Variants in ZNF366 observed in about 807,000 individuals in gnomAD.
ZNF366 encodes the protein dendritic cell-specific transcript protein.
Under a neutral mutation model 47.2 loss-of-function variants are expected in ZNF366, and 20 were observed. The observed-to-expected ratio is 0.42, with a 90% confidence interval of 0.30 to 0.62. The LOEUF is 0.62. Ranked by LOEUF, ZNF366 falls within the 20% of genes least tolerant of loss-of-function variation. The pLI, the probability that ZNF366 is intolerant of heterozygous loss-of-function variation, is 0.16. For missense variants in ZNF366, 987 were observed against 976.3 expected (o/e 1.01, Z -0.15); for synonymous variants, 421 against 395.1 (o/e 1.07, Z -0.78).
intron 2 of ZNF366, 134 bp from the exon 3 acceptor site, chr5:72,456,729 G>T: frequency 2.3e-6 from 2 of 852,612 alleles, no homozygotes; most frequent in Non-Finnish European, 3.4e-6. Flanking sequence ...TTCAAATGGT[G>T]TAGCTTCAGC....
intron 1 of ZNF366, among the ~76,000 whole-genome samples, chr5:72,506,391 A>G (rs1272780688): frequency 6.6e-6 from 1 of 152,166 alleles, no homozygotes; most frequent in South Asian, 2.1e-4. Flanking sequence ...AGCAAGTTAG[A>G]CTTTTAAAAA....
chr5:72,461,097 C>A lies in ZNF366; in HGVS notation c.400G>T (p.Val134Leu), dbSNP rs778281671. The change falls in exon 2 of 5, where the codon GTG becomes TTG. Residue 134 changes from valine to leucine, a missense_variant. By Grantham distance (32) the Val-to-Leu change is conservative (BLOSUM62 1). Transcript: ENST00000318442. Reference protein sequence around the residue: ...YDSQMIDLCNVGFQFYRSLEH... With the variant: ...YDSQMIDLCNLGFQFYRSLEH... ...AGGCTGCGGTAGAATTGGAAGCCCA[C>A]GTTGCACAGGTCGATCATCTGAGAG... 4 of 1,614,078 alleles carry A rather than the reference C, an allele frequency of 2.5e-6. No homozygotes were observed. Among genetic ancestry groups the A allele is most frequent in the South Asian group, 2.2e-5 (2 of 91,070 alleles).
chr5:72,457,118 C>A (rs927513753), intron 2 of ZNF366, among the ~76,000 whole-genome samples: 4 of 152,130 alleles, frequency 2.6e-5, no homozygotes, highest in Non-Finnish European at 5.9e-5. Context: ...TGATAATCAC[C>A]CTCTCAAGTT....
chr5:72,481,510 T>A (rs1203225476), intron 1 of ZNF366, among the ~76,000 whole-genome samples: 4 of 152,216 alleles, frequency 2.6e-5, no homozygotes, highest in African/African-American at 9.6e-5. Context: ...CCTTGTTACA[T>A]CTCTATCATT....
At chr5:72,449,772 G>A (rs779936516) in intron 3 of ZNF366, among the ~76,000 whole-genome samples, 10 of 152,192 alleles carry the variant, frequency 6.6e-5, no homozygotes, top group Non-Finnish European at 1.3e-4. Flanking sequence ...TAGTATTGGC[G>A]TGACACATCA....
Position 72,461,262 on chromosome 5 carries a change from G to C in ZNF366, c.235C>G (p.Arg79Gly). 1.2e-6 allele frequency: 2 copies of C among 1,614,060 alleles called. No homozygotes were observed. Among genetic ancestry groups the C allele is most frequent in the Non-Finnish European group, 1.7e-6 (2 of 1,180,012 alleles). Residue 79 changes from arginine (R) to glycine (G), a missense_variant, in exon 2 of 5, where the codon CGG becomes GGG. Coordinates refer to ENST00000318442, the MANE Select transcript of ZNF366 (RefSeq NM_152625.3). ...GGCATCTTTGTGGGCATGCTCTTCC[G>C]TTTCCTAGACCCTGCTCCTTCGAAG... ...GVFEGAGSRK[R>G]KSMPTKMPYN...
chr5:72,456,262 C>T (rs1438086467), intron 3 of ZNF366, 142 bp downstream of exon 3: 2 of 779,884 alleles, frequency 2.6e-6, no homozygotes, highest in East Asian at 5.0e-5. Context: ...GATAGAGTGG[C>T]AGATGGGACC....
chr5:72,460,831 G>C lies in ZNF366; in HGVS notation c.666C>G (p.Ser222Arg), dbSNP rs371586695. 23 of 1,613,932 alleles carry C rather than the reference G, an allele frequency of 1.4e-5. 1 individual carries two copies. The South Asian group carries it at 2.4e-4, about 17-fold the overall frequency. ...LLPRKAEPQE[S>R]EETKQKVERV... Reference sequence around the variant, plus strand: ...TCTCCACCTTCTGCTTGGTCTCCTCGCTCTCCTGGGGCTCGGCTTTCCGGG... The same window carrying C: ...TCTCCACCTTCTGCTTGGTCTCCTCCCTCTCCTGGGGCTCGGCTTTCCGGG... Residue 222 changes from serine (S) to arginine (R), a missense_variant, in exon 2 of 5, where the codon AGC (serine) becomes AGG (arginine). Coordinates refer to ENST00000318442, the MANE Select transcript of ZNF366 (RefSeq NM_152625.3).
intron 1 of ZNF366, among the ~76,000 whole-genome samples, chr5:72,505,458 A>T (rs953836357): frequency 2.0e-5 from 3 of 152,228 alleles, no homozygotes; most frequent in Non-Finnish European, 4.4e-5. Context: ...AGCCATAGTC[A>T]TGCTAGCAGT....
chr5:72,495,239 T>A (rs1266961837), intron 1 of ZNF366, among the ~76,000 whole-genome samples: 4 of 152,148 alleles, frequency 2.6e-5, no homozygotes, highest in Non-Finnish European at 5.9e-5. Context: ...CCTGGTCCCA[T>A]GAGTAGGGGA....
chr5:72,491,681 T>A (rs141783233), intron 1 of ZNF366, among the ~76,000 whole-genome samples: 4 of 152,356 alleles, frequency 2.6e-5, no homozygotes, highest in Non-Finnish European at 5.9e-5. Flanking sequence ...GCAATTATAC[T>A]AGTATTTGGT....
Position 72,456,423 on chromosome 5 carries a change from A to T in ZNF366, c.1505T>A (p.Val502Glu). 1 of 1,605,454 alleles carries T rather than the reference A, an allele frequency of 6.2e-7. No individual in the cohort carries two copies. Among genetic ancestry groups the T allele is most frequent in the Non-Finnish European group, 8.5e-7 (1 of 1,173,094 alleles). Residue 502 changes from valine to glutamate, a missense_variant, in exon 3 of 5, where the codon GTG (valine) becomes GAG (glutamate). By Grantham distance (121) the Val-to-Glu change is moderately radical. Transcript: ENST00000318442. ...GCCCACCTTGCATTTGAAAGGCTTC[A>T]CGTCAGAGTGGACGATCATGTGTGC... Reference protein sequence around the residue: ...LKAHMIVHSDVKPFKCKLCGK... With the variant: ...LKAHMIVHSDEKPFKCKLCGK...
In ZNF366 at chr5:72,442,098, T is replaced by C. The variant is rs1253639812; in HGVS notation, c.*1658A>G. ...AAACATCACAGGCATCATCTTCTAG[T>C]ATAATGTAAAAAGTGTGTATCTATA... On this transcript the variant is annotated 3_prime_UTR_variant, in exon 5 of 5. Transcript: ENST00000318442. 6.6e-6 allele frequency: 1 copy of C among 152,166 alleles called. No individual in the cohort carries two copies. The highest frequency in any genetic ancestry group is 1.5e-5 in the Non-Finnish European group (1 of 68,042). 9.4% of individuals were successfully genotyped at this position (152,166 alleles called of 1,614,324 possible).
chr5:72,456,644 T>C (rs1335824240), intron 2 of ZNF366, 49 bp from the exon 3 acceptor site: 1 of 1,523,692 alleles, frequency 6.6e-7, no homozygotes, highest in African/African-American at 1.4e-5. Flanking sequence ...GGTAACATGC[T>C]TTCATCAGGA....
In ZNF366 at chr5:72,444,049, G is replaced by T. The variant is rs1382838424; in HGVS notation, c.1942C>A (p.Leu648Met). 1 of 1,614,098 alleles carries T rather than the reference G, an allele frequency of 6.2e-7. No homozygotes were observed. The highest frequency in any genetic ancestry group is 1.3e-5 in the African/African-American group (1 of 74,952). ...QSQQLCTPED[L>M]STKSEHAPEV... The stretch of plus-strand genomic sequence containing the variant: ...GGGGCGTGCTCCGACTTGGTGGACA[G>T]ATCCTCGGGTGTGCAGAGCTGCTGG... Residue 648 changes from leucine to methionine, a missense_variant, in exon 5 of 5, where the codon CTG becomes ATG. By Grantham distance (15) the Leu-to-Met change is conservative. This residue lies in a region of ZNF366 where 285 missense variants were observed against 234.8 expected (regional missense o/e 1.21). Coordinates refer to ENST00000318442, the MANE Select transcript of ZNF366 (RefSeq NM_152625.3).
At chr5:72,452,976 T>A (rs944056456) in intron 3 of ZNF366, among the ~76,000 whole-genome samples, 16 of 151,902 alleles carry the variant, frequency 1.1e-4, no homozygotes, top group African/African-American at 3.6e-4. Context: ...AGTCCAAAAG[T>A]CCAGCCAACA....
In ZNF366 at chr5:72,460,703, T is replaced by C. The variant is rs1457202422; in HGVS notation, c.794A>G (p.Lys265Arg). 1 of 1,614,212 alleles carries C rather than the reference T, an allele frequency of 6.2e-7. No individual in the cohort carries two copies. The highest frequency in any genetic ancestry group is 2.2e-5 in the East Asian group (1 of 44,878). The change falls in exon 2 of 5, where the codon AAG (lysine) becomes AGG (arginine). Residue 265 changes from lysine (K) to arginine (R), a missense_variant. Physicochemically the swap from Lys to Arg is conservative, Grantham distance 26. This residue lies in a region of ZNF366 where 591 missense variants were observed against 560.9 expected (regional missense o/e 1.05). Transcript: ENST00000318442. ...CPTCEKSYTSKYNLVTHILGH... is the reference protein window; with the variant it reads ...CPTCEKSYTSRYNLVTHILGH... ...CAGGATGTGGGTGACCAGGTTGTAC[T>C]TGGAGGTGTAGGACTTCTCGCAGGT...
intron 1 of ZNF366, among the ~76,000 whole-genome samples, chr5:72,478,011 G>T (rs1352378014): frequency 6.6e-6 from 1 of 151,944 alleles, no homozygotes; most frequent in Admixed American, 6.6e-5. Context: ...ATATTTGAGG[G>T]TTTGTTTTTT....
rs1462371308 is a variant in ZNF366, at chr5:72,441,624, T to A, written c.*2132A>T. 6.6e-6 allele frequency: 1 copy of A among 152,294 alleles called. No individual in the cohort carries two copies. Among genetic ancestry groups the A allele is most frequent in the Non-Finnish European group, 1.5e-5 (1 of 68,232 alleles). 9.4% of individuals were successfully genotyped at this position (152,294 alleles called of 1,614,324 possible). ...GCTTTAGGCAAGGTGGCAGGGGAAA[T>A]GGGTCAGAGATGGACACAACACATG... On this transcript the variant is annotated 3_prime_UTR_variant, in exon 5 of 5. Transcript: ENST00000318442.
Sources: allele counts gnomAD v4.1 joint callset (sites outside exome capture counted in the v4.1 genomes callset), GRCh38; gene constraint gnomAD v4.1.1; regional missense constraint gnomAD v4.1.1; transcripts MANE v1.5; gene names NCBI Gene and HGNC (gene_info 2026-07-23, HGNC 2026-07-21).